The following CLIP1 variants were observed in gnomAD, a reference collection of about 807,000 sequenced individuals.
CLIP1 encodes the protein CAP-Gly domain containing linker protein 1.
Under a neutral mutation model 161.6 loss-of-function variants are expected in CLIP1, and 66 were observed. The observed-to-expected ratio is 0.41, with a 90% CI of 0.33 to 0.50. The LOEUF (loss-of-function observed/expected upper bound fraction) is 0.50, where lower values mean the gene tolerates loss of function less well. Ranked by LOEUF, CLIP1 falls within the 20% of genes least tolerant of loss-of-function variation. CLIP1 has a pLI of 0.27. For synonymous variants in CLIP1, 598 were observed against 626.2 expected (o/e 0.96, Z 0.67); for missense variants, 1,376 against 1,702.0 (o/e 0.81, Z 3.37).
At position 122,354,412 on chromosome 12, in the gene CLIP1, G is replaced by A. The variant is rs371273874; in HGVS notation, c.1307+41C>T. On this transcript the variant is annotated intron_variant, in intron 7 of 25. Coordinates refer to ENST00000620786, the MANE Select transcript of CLIP1 (RefSeq NM_001247997.2). ...TCTGTCTCAAAAACAAAAAAAAAGG[G>A]GGAAAGGCCACACTTGCACCAGGAA... The A allele has an allele frequency of 6.0e-5, 91 of 1,526,682 alleles. No individual in the cohort carries two copies. The African/African-American group carries it at 1.1e-3, about 19-fold the overall frequency. The allele number at this position is 1,526,682 out of a possible 1,614,324, so 94.6% of individuals were successfully genotyped here. A position where few individuals can be genotyped will look rare whatever the true frequency, so the allele number is the denominator to read the frequency against.
rs762508071 is a variant in CLIP1, at chr12:122,377,725, C to G, written c.321G>C (p.Arg107=). Residue 107 remains arginine (R), a synonymous_variant, in exon 3 of 26, where the codon CGG becomes CGC. Transcript: ENST00000620786. ...GKNDGSVAGV[R]YFQCEPLKGI... ...CCTTTAAAGGTTCACACTGGAAATACCGAACTCCTGCCACCGAACCATCGT... is the reference window on the plus strand; with the variant it reads ...CCTTTAAAGGTTCACACTGGAAATAGCGAACTCCTGCCACCGAACCATCGT... 6.2e-7 allele frequency: 1 copy of G among 1,613,834 alleles called. No homozygotes were observed. The highest frequency in any genetic ancestry group is 8.5e-7 in the Non-Finnish European group (1 of 1,179,982).
rs1272783360 is a variant in CLIP1 at position 122,273,009 on chromosome 12, T to C, written c.4183A>G (p.Thr1395Ala). The C allele has an allele frequency of 9.9e-6, 16 of 1,614,194 alleles. No homozygotes were observed. Among genetic ancestry groups the C allele is most frequent in the Non-Finnish European group, 1.4e-5 (16 of 1,180,020 alleles). The change falls in exon 26 of 26, where the codon ACC (threonine) becomes GCC (alanine). Residue 1395 changes from threonine to alanine, a missense_variant. Physicochemically the swap from Thr to Ala is moderately conservative, Grantham distance 58. Coordinates refer to ENST00000620786, the MANE Select transcript of CLIP1 (RefSeq NM_001247997.2). Reference protein sequence around the residue: ...FDLHDTEDCPTQAQMSEDPPH... With the variant: ...FDLHDTEDCPAQAQMSEDPPH... ...GGGTCCTCTGACATCTGTGCCTGGG[T>C]AGGACAATCCTCTGTGTCGTGGAGA...
chr12:122,380,211 C>A (rs1037015640), intron 2 of CLIP1, among the ~76,000 whole-genome samples, 157 bp downstream of exon 2: 1 of 151,694 alleles, frequency 6.6e-6, no homozygotes, highest in African/African-American at 2.4e-5. Flanking sequence ...CCACTGCACT[C>A]CAGCCTGGGT....
chr12:122,365,413 AAAT>A (rs1227974847), intron 3 of CLIP1: 17 of 800,004 alleles, frequency 2.1e-5, no homozygotes, highest in Non-Finnish European at 3.8e-5. Flanking sequence ...TTGCCAAGAG[AAAT>A]AATGTGCGTA....
rs1380568481 is a variant in CLIP1, at chr12:122,273,089, T to C, written c.4103A>G (p.Glu1368Gly). Residue 1368 changes from glutamate (E) to glycine (G), a missense_variant, in exon 26 of 26, where the codon GAG becomes GGG. Physicochemically the swap from Glu to Gly is moderately conservative, Grantham distance 98 (BLOSUM62 -2). Transcript: ENST00000620786. ...GCGAGGTTTCTTCTTGGACTGTTTC[T>C]CCTGATCATCACTACAAATGTTAAT... is the stretch of plus-strand genomic sequence containing the variant. ...DLNNYDSDDQEKQSKKKPRLF... is the reference protein window; with the variant it reads ...DLNNYDSDDQGKQSKKKPRLF... The C allele has an allele frequency of 5.6e-6, 9 of 1,613,802 alleles. No individual in the cohort carries two copies. The highest frequency in any genetic ancestry group is 7.6e-6 in the Non-Finnish European group (9 of 1,179,808).
chr12:122,364,943 G>C, intron 3 of CLIP1: 4 of 478,718 alleles, frequency 8.4e-6, no homozygotes, highest in Non-Finnish European at 1.2e-5. Flanking sequence ...TAGGGACATG[G>C]ATGAAATTGG....
chr12:122,352,736 C>G lies in CLIP1; in HGVS notation c.1358G>C (p.Gly453Ala), dbSNP rs781303967. 8 of 1,613,946 alleles carry G rather than the reference C, an allele frequency of 5.0e-6. No individual in the cohort carries two copies. The Admixed American group carries it at 1.3e-4, about 27-fold the overall frequency. The change falls in exon 8 of 26, where the codon GGT becomes GCT. Residue 453 changes from glycine to alanine, a missense_variant. Gly to Ala is a moderately conservative substitution (Grantham distance 60, BLOSUM62 0). Transcript: ENST00000620786. ...CTGGAGGGGTTTTACCTCAAGATCA[C>G]CTTTGGTAATTGATTCTTCTTCAAC... Reference protein sequence around the residue: ...FRVEEESITKGDLEQKSQISE... With the variant: ...FRVEEESITKADLEQKSQISE...
intron 1 of CLIP1, among the ~76,000 whole-genome samples, chr12:122,406,124 G>A (rs1420922514): frequency 6.6e-6 from 1 of 152,098 alleles, no homozygotes; most frequent in Non-Finnish European, 1.5e-5. Context: ...CGAAAGATGA[G>A]TAAATATTGT....
intron 3 of CLIP1, 46 bp downstream of exon 3, chr12:122,377,343 T>C: frequency 6.5e-7 from 1 of 1,531,418 alleles, no homozygotes; most frequent in Middle Eastern, 1.7e-4. Flanking sequence ...CACTGGTGTT[T>C]ATATCTCAGT....
At chr12:122,297,833 G>A (rs1459944017) in intron 20 of CLIP1, among the ~76,000 whole-genome samples, 4 of 152,224 alleles carry the variant, frequency 2.6e-5, no homozygotes, top group African/African-American at 9.6e-5. Context: ...TAGGCGAGCC[G>A]TGTTGCCCAG....
At position 122,345,327 on chromosome 12, in the gene CLIP1, T is replaced by TC. The variant is rs553906559; in HGVS notation, c.1506+2047_1506+2048insG. On this transcript the variant is annotated intron_variant, in intron 10 of 25. Coordinates refer to ENST00000620786, the MANE Select transcript of CLIP1 (RefSeq NM_001247997.2). ...TGTAGCCACCACACCCAGCTAATTT[T>TC]TTTTTTTATTTTTTGTAGAAGCAGG... Among the ~76,000 whole-genome samples, 77 of 151,520 alleles carry TC rather than the reference T, an allele frequency of 5.1e-4. 1 individual carries two copies. In the East Asian group the frequency reaches 0.012, roughly 23 times the overall value.
chr12:122,346,126 C>CG (rs1451672893), intron 10 of CLIP1, among the ~76,000 whole-genome samples: 6 of 152,150 alleles, frequency 3.9e-5, no homozygotes, highest in African/African-American at 1.2e-4. Flanking sequence ...CCATAATAGA[C>CG]GGACTCCATC....
intron 19 of CLIP1, among the ~76,000 whole-genome samples, chr12:122,316,268 T>C (rs1345456852): frequency 6.6e-6 from 1 of 151,804 alleles, no homozygotes; most frequent in Non-Finnish European, 1.5e-5. Context: ...TGGAGTGCAG[T>C]GGCACGATTA....
At chr12:122,288,437 T>C in intron 21 of CLIP1, 52 bp downstream of exon 21, 1 of 1,478,412 alleles carries the variant, frequency 6.8e-7, no homozygotes, top group Non-Finnish European at 9.3e-7. Flanking sequence ...ACATATCATG[T>C]TCTGACATCT....
intron 11 of CLIP1, among the ~76,000 whole-genome samples, chr12:122,338,936 T>G (rs1160524268): frequency 6.6e-6 from 1 of 152,184 alleles, no homozygotes; most frequent in East Asian, 1.9e-4. Flanking sequence ...GTTAGCAATT[T>G]TTTGCTGTTT....
At chr12:122,382,298 T>C (rs11057819) in intron 1 of CLIP1, among the ~76,000 whole-genome samples, 73,860 of 149,928 alleles carry the variant, frequency 0.49, 21,792 homozygotes, top group Non-Finnish European at 0.64. Flanking sequence ...GAGGCAGAGG[T>C]TGTAGTGAGC....
chr12:122,377,173 A>G (rs1320188074), intron 3 of CLIP1, among the ~76,000 whole-genome samples: 3 of 151,654 alleles, frequency 2.0e-5, no homozygotes, highest in Non-Finnish European at 4.4e-5. Flanking sequence ...AATCCCAGCT[A>G]ATTTTTTTGT....
chr12:122,387,566 ATATATATATATATATATATATATATTT>A (rs1311759337), intron 1 of CLIP1, among the ~76,000 whole-genome samples: 18,629 of 74,088 alleles, frequency 0.25, 2,495 homozygotes, highest in Admixed American at 0.3. Context: ...ATATATATAT[ATATATATATATATATATATATATATTT>A]TTTTTTTTTT....
chr12:122,386,311 C>A (rs182927377), intron 1 of CLIP1, among the ~76,000 whole-genome samples: 2 of 151,978 alleles, frequency 1.3e-5, no homozygotes, highest in Admixed American at 6.6e-5. Flanking sequence ...AAAGAAAATA[C>A]ATCAAAATGA....
Sources: allele counts gnomAD v4.1 joint callset (sites outside exome capture counted in the v4.1 genomes callset), GRCh38; gene constraint gnomAD v4.1.1; transcripts MANE v1.5; gene names NCBI Gene and HGNC (gene_info 2026-07-23, HGNC 2026-07-21).